Variants in RUFY1 observed in about 807,000 individuals in gnomAD.
RUFY1 encodes RUN and FYVE domain containing 1.
RUFY1 carries 54 observed loss-of-function variants against 94.6 expected under a neutral mutation model. That is an observed-to-expected ratio of 0.57 (90% CI 0.46 to 0.72). The LOEUF (loss-of-function observed/expected upper bound fraction) is 0.72. Ranked by LOEUF, RUFY1 falls within the 30% of genes least tolerant of loss-of-function variation. The probability of loss-of-function intolerance (pLI) is 0.00; values close to 1 mark genes in which losing one functional copy is unlikely to be tolerated. For synonymous variants in RUFY1, 396 were observed against 347.3 expected, an observed-to-expected ratio of 1.14 and a Z score of -1.56; for missense variants, 883 against 883.9, an observed-to-expected ratio of 1.00 and a Z score of 0.01.
chr5:179,608,437 CTG>C (rs1767340144), intron 17 of RUFY1: 1 of 985,464 alleles, frequency 1.0e-6, no homozygotes, highest in African/African-American at 1.7e-5. Flanking sequence ...CTGTCCCCAT[CTG>C]TGGAGTCAGA....
intron 10 of RUFY1, among the ~76,000 whole-genome samples, chr5:179,592,770 G>A (rs1365636013): frequency 2.0e-5 from 3 of 152,268 alleles, no homozygotes; most frequent in Middle Eastern, 3.4e-3. Flanking sequence ...GAACCATTTC[G>A]AAATGGTTGC....
intron 5 of RUFY1, among the ~76,000 whole-genome samples, chr5:179,571,770 C>T (rs1763241723): frequency 6.6e-6 from 1 of 152,174 alleles, no homozygotes; most frequent in African/African-American, 2.4e-5. Flanking sequence ...CTCATTATCT[C>T]AAATTTACAA....
intron 15 of RUFY1, 148 bp from the exon 16 acceptor site, chr5:179,605,728 G>A (rs1767006750): frequency 1.4e-6 from 1 of 699,054 alleles, no homozygotes; most frequent in Admixed American, 2.3e-5. Context: ...GGATTGTACA[G>A]AGGCGGAAGG....
At chr5:179,562,299 T>G (rs781643902) in intron 2 of RUFY1, among the ~76,000 whole-genome samples, 3 of 152,014 alleles carry the variant, frequency 2.0e-5, no homozygotes, top group Non-Finnish European at 2.9e-5. Flanking sequence ...CCCCAGCTAC[T>G]CAGGAGGCTG....
chr5:179,605,546 C>T (rs922730769), intron 15 of RUFY1, among the ~76,000 whole-genome samples: 1 of 152,168 alleles, frequency 6.6e-6, no homozygotes, highest in Non-Finnish European at 1.5e-5. Flanking sequence ...GAGACTAGTG[C>T]AGAACAGGGC....
At chr5:179,594,616 CCAGATG>C (rs1765420804) in intron 11 of RUFY1, among the ~76,000 whole-genome samples, 2 of 125,430 alleles carry the variant, frequency 1.6e-5, no homozygotes, top group Admixed American at 8.7e-5. Flanking sequence ...AAAAAATTAG[CCAGATG>C]TGGTGGCGGG....
intron 16 of RUFY1, 122 bp downstream of exon 16, chr5:179,606,046 A>G (rs1767046818): frequency 2.8e-6 from 2 of 705,214 alleles, no homozygotes; most frequent in South Asian, 1.6e-5. Flanking sequence ...GTGATGACGT[A>G]TTGACAGAGA....
In RUFY1 at chr5:179,593,472, T is replaced by G; in HGVS notation, c.1246-6T>G. Reference sequence around the variant, plus strand: ...ATAACATTTTCCTTGTAAATATCCTTTTAAGGAACTGGAAAAAGAACTGGA... The same window carrying G: ...ATAACATTTTCCTTGTAAATATCCTGTTAAGGAACTGGAAAAAGAACTGGA... On this transcript the variant is annotated splice_region_variant and splice_polypyrimidine_tract_variant and intron_variant, in intron 10 of 17. Transcript: ENST00000319449. The G allele has an allele frequency of 6.3e-7, 1 of 1,584,838 alleles. No homozygotes were observed. Among genetic ancestry groups the G allele is most frequent in the Non-Finnish European group, 8.7e-7 (1 of 1,153,412 alleles).
At chr5:179,559,905 C>G (rs1472909406) in intron 1 of RUFY1, 120 bp from the exon 2 acceptor site, 8 of 1,444,958 alleles carry the variant, frequency 5.5e-6, no homozygotes, top group Middle Eastern at 2.3e-4. Flanking sequence ...CCCGCCAGCA[C>G]GTCCGTTCCC....
intron 6 of RUFY1, among the ~76,000 whole-genome samples, chr5:179,580,538 G>A (rs1764074200): frequency 1.4e-5 from 2 of 145,922 alleles, no homozygotes; most frequent in South Asian, 2.3e-4. Flanking sequence ...CACCACGCCT[G>A]GCCAGTTTTT....
chr5:179,555,506 G>A (rs1762067425), intron 1 of RUFY1: 1 of 284,096 alleles, frequency 3.5e-6, no homozygotes, highest in Non-Finnish European at 7.1e-6. Context: ...GGGGATGCAT[G>A]AGATGGCAAA....
chr5:179,573,093 C>T (rs540519234), intron 5 of RUFY1, among the ~76,000 whole-genome samples: 1 of 152,222 alleles, frequency 6.6e-6, no homozygotes, highest in Non-Finnish European at 1.5e-5. Context: ...TTTCTGGACT[C>T]TTCTGTTGTA....
intron 14 of RUFY1, among the ~76,000 whole-genome samples, chr5:179,601,232 C>G (rs147404218): frequency 0.014 from 2,139 of 151,170 alleles, 59 homozygotes; most frequent in African/African-American, 0.048. Flanking sequence ...ACAGTAGCAC[C>G]ATCTCGGCTC....
At chr5:179,579,756 C>T (rs528782503) in intron 6 of RUFY1, among the ~76,000 whole-genome samples, 7 of 145,456 alleles carry the variant, frequency 4.8e-5, no homozygotes, top group African/African-American at 1.5e-4. Context: ...CTCTGCCTCC[C>T]GAGTTCAATC....
intron 1 of RUFY1, among the ~76,000 whole-genome samples, chr5:179,552,514 AGAGGAT>A (rs1761915461): frequency 6.6e-6 from 1 of 152,200 alleles, no homozygotes; most frequent in Non-Finnish European, 1.5e-5. Flanking sequence ...AAATAGCATT[AGAGGAT>A]GATGAGAGCC....
At position 179,585,779 on chromosome 5, in the gene RUFY1, ATTC is replaced by A. The variant is rs1764562388; in HGVS notation, c.957-14_957-12del. The stretch of plus-strand genomic sequence containing the variant: ...TTGTATAAGTTTATGTTTACTTAAT[ATTC>A]TTATTTTCTACAGCTGCACAGTTGG... On this transcript the variant is annotated splice_polypyrimidine_tract_variant and intron_variant, in intron 7 of 17. Coordinates refer to ENST00000319449, the MANE Select transcript of RUFY1 (RefSeq NM_025158.5). 1 of 1,585,850 alleles carries A rather than the reference ATTC, an allele frequency of 6.3e-7. No homozygotes were observed. Among genetic ancestry groups the A allele is most frequent in the Non-Finnish European group, 8.7e-7 (1 of 1,154,750 alleles).
chr5:179,551,971 C>T (rs567435793), intron 1 of RUFY1, among the ~76,000 whole-genome samples: 36 of 151,400 alleles, frequency 2.4e-4, no homozygotes, highest in Admixed American at 2.2e-3. Context: ...CGAGACCATC[C>T]TGGCCAACAT....
At chr5:179,591,809 C>A in intron 10 of RUFY1, 68 bp downstream of exon 10, 1 of 923,536 alleles carries the variant, frequency 1.1e-6, no homozygotes, top group Non-Finnish European at 1.7e-6. Context: ...CAACACTTTT[C>A]ATAGACATGC....
At chr5:179,552,109 G>C (rs1161298956) in intron 1 of RUFY1, among the ~76,000 whole-genome samples, 1 of 135,976 alleles carries the variant, frequency 7.4e-6, no homozygotes, top group Non-Finnish European at 1.5e-5. Flanking sequence ...AGGTTGCAGT[G>C]AGCCGAGATC....
Sources: gnomAD v4.1 joint callset for allele counts (sites outside exome capture counted in the v4.1 genomes callset) on GRCh38, gnomAD v4.1.1 for gene constraint, MANE v1.5 for transcripts, NCBI Gene and HGNC (gene_info 2026-07-23, HGNC 2026-07-21) for gene names.